Variants in NTM observed in about 807,000 individuals in gnomAD.
NTM encodes the protein IgLON family member 2.
NTM carries 13 observed loss-of-function variants against 42.1 expected under a neutral mutation model. The ratio of observed to expected loss-of-function variants is 0.31; its 90% confidence interval spans 0.20 to 0.49. NTM has a LOEUF of 0.49. NTM is among the 20% of genes least tolerant of loss of function. NTM has a pLI of 0.99. For missense variants in NTM, 373 were observed against 452.8 expected (o/e 0.82, Z 1.60); for synonymous variants, 187 against 179.2 (o/e 1.04, Z -0.35).
intron 2 of NTM, among the ~76,000 whole-genome samples, chr11:132,031,530 A>G (rs1420566950): frequency 2.0e-5 from 3 of 152,138 alleles, no homozygotes; most frequent in Admixed American, 6.5e-5. Context: ...GGGTGTTGGT[A>G]TGAGATAAAG....
rs61647362 is a variant in NTM at position 131,826,564 on chromosome 11, T to TAAAA, written c.83-84991_83-84988dup. On this transcript the variant is annotated intron_variant, in intron 1 of 8. Transcript: ENST00000683400. ...CGTCGAGGGATTGGTCGTAATATTC[T>TAAAA]AAAAAAAAAAAAGTCAGAAAAAGTA... Among the ~76,000 whole-genome samples, 117 of 143,550 alleles carry TAAAA rather than the reference T, an allele frequency of 8.2e-4. 1 individual carries two copies. Among genetic ancestry groups the TAAAA allele is most frequent in the Admixed American group, 1.7e-3 (24 of 14,378 alleles). 94.2% of individuals were successfully genotyped at this position (143,550 alleles called of 152,430 possible).
At chr11:131,615,827 A>G (rs1320026185) in intron 1 of NTM, among the ~76,000 whole-genome samples, 1 of 152,182 alleles carries the variant, frequency 6.6e-6, no homozygotes, top group African/African-American at 2.4e-5. Flanking sequence ...TGTGCATCCC[A>G]GGGAGCTTAC....
intron 4 of NTM, among the ~76,000 whole-genome samples, chr11:132,242,958 A>C (rs2090469290): frequency 6.6e-6 from 1 of 152,166 alleles, no homozygotes; most frequent in South Asian, 2.1e-4. Context: ...AAAACACATA[A>C]GGATGTTTCC....
Position 132,105,881 on chromosome 11 carries a change from G to A in NTM, c.168-40401G>A, listed in dbSNP as rs144631891. ...TCGAGAAAGAGGGGATGTTCTAGAT[G>A]GCACCTGTGCATGTGTGGGAGGGAG... is the stretch of plus-strand genomic sequence containing the variant. On this transcript the variant is annotated intron_variant, in intron 2 of 8. Transcript: ENST00000683400. Among the ~76,000 whole-genome samples, 298 of 152,272 alleles carry A rather than the reference G, an allele frequency of 2.0e-3. 2 individuals are homozygous for A. The highest frequency in any genetic ancestry group is 6.8e-3 in the African/African-American group (283 of 41,526).
intron 7 of NTM, among the ~76,000 whole-genome samples, chr11:132,320,737 A>C (rs1255341880): frequency 1.3e-5 from 2 of 151,954 alleles, no homozygotes; most frequent in Non-Finnish European, 1.5e-5. Context: ...ACAGACAAAC[A>C]AAAAGACAGC....
At chr11:132,253,740 C>T (rs1436405281) in intron 4 of NTM, among the ~76,000 whole-genome samples, 1 of 152,162 alleles carries the variant, frequency 6.6e-6, no homozygotes, top group East Asian at 1.9e-4. Flanking sequence ...GTGACTTTTT[C>T]CCCCTCCTCT....
At chr11:131,510,707 A>G (rs1356101721) in intron 1 of NTM, among the ~76,000 whole-genome samples, 1 of 152,226 alleles carries the variant, frequency 6.6e-6, no homozygotes, top group Non-Finnish European at 1.5e-5. Flanking sequence ...AACTGGATGA[A>G]CAAATGCTCA....
intron 3 of NTM, among the ~76,000 whole-genome samples, chr11:132,172,884 C>T (rs145463150): frequency 1.2e-3 from 185 of 152,288 alleles, no homozygotes; most frequent in Middle Eastern, 3.4e-3. Context: ...TTGCTGGCCA[C>T]AGAAAATTGC....
rs540084595 is a variant in NTM, at chr11:132,089,483, G to T, written c.168-56799G>T. On this transcript the variant is annotated intron_variant, in intron 2 of 8. Coordinates refer to ENST00000683400, the MANE Select transcript of NTM (RefSeq NM_001352005.2). The stretch of plus-strand genomic sequence containing the variant: ...ATATTAATGTTTTAAGTCAGAATTT[G>T]GTAAGCTGAACTAATTGAGAAGACT... Among the ~76,000 whole-genome samples the T allele has an allele frequency of 7.2e-5, 11 of 152,272 alleles. No homozygotes were observed. In the South Asian group the frequency reaches 1.9e-3, roughly 26 times the overall value.
intron 4 of NTM, among the ~76,000 whole-genome samples, chr11:132,291,817 T>A (rs2094458913): frequency 6.6e-6 from 1 of 152,226 alleles, no homozygotes; most frequent in Non-Finnish European, 1.5e-5. Flanking sequence ...TGCTAAGATG[T>A]GTGCCATGAA....
chr11:131,729,233 G>A (rs1295653623), intron 1 of NTM, among the ~76,000 whole-genome samples: 1 of 152,152 alleles, frequency 6.6e-6, no homozygotes, highest in Middle Eastern at 3.2e-3. Flanking sequence ...GGAATGACCT[G>A]AGTGTTCGAT....
chr11:132,291,663 G>A (rs888269758), intron 4 of NTM, among the ~76,000 whole-genome samples: 12 of 152,192 alleles, frequency 7.9e-5, no homozygotes, highest in African/African-American at 2.9e-4. Context: ...CTGAGGAGAA[G>A]CCAGGAAAGG....
chr11:131,575,744 T>C (rs1210703298), intron 1 of NTM, among the ~76,000 whole-genome samples: 1 of 152,118 alleles, frequency 6.6e-6, no homozygotes, highest in Non-Finnish European at 1.5e-5. Flanking sequence ...CCTTCCCCAA[T>C]TCAAAAAGAC....
rs557979197 is a variant in NTM, at chr11:131,393,976, C to G, written c.82+23088C>G. Among the ~76,000 whole-genome samples, 14 of 152,302 alleles carry G rather than the reference C, an allele frequency of 9.2e-5. No homozygotes were observed. The East Asian group carries it at 2.7e-3, about 29-fold the overall frequency. Reference sequence around the variant, plus strand: ...TAGATGTACAATTCCATTAATAAGGCCGCTTTTTAATAGGCGGCTCTGGCA... The same window carrying G: ...TAGATGTACAATTCCATTAATAAGGGCGCTTTTTAATAGGCGGCTCTGGCA... On this transcript the variant is annotated intron_variant, in intron 1 of 8. Coordinates refer to ENST00000683400, the MANE Select transcript of NTM (RefSeq NM_001352005.2).
intron 1 of NTM, among the ~76,000 whole-genome samples, chr11:131,568,161 T>C (rs950678979): frequency 1.3e-5 from 2 of 152,224 alleles, no homozygotes; most frequent in African/African-American, 4.8e-5. Flanking sequence ...TTATTAATTA[T>C]TCATAAATGA....
chr11:131,942,344 C>T (rs2059886092), intron 2 of NTM, among the ~76,000 whole-genome samples: 1 of 152,172 alleles, frequency 6.6e-6, no homozygotes, highest in Admixed American at 6.5e-5. Context: ...GGGACTTGGA[C>T]TCCCTTCTTC....
chr11:132,113,730 C>G (rs1257269017), intron 2 of NTM, among the ~76,000 whole-genome samples: 1 of 152,180 alleles, frequency 6.6e-6, no homozygotes, highest in Non-Finnish European at 1.5e-5. Flanking sequence ...ATATAGACCC[C>G]CAAAGTCACC....
intron 2 of NTM, among the ~76,000 whole-genome samples, chr11:132,062,494 G>A (rs1240328249): frequency 2.4e-5 from 2 of 82,558 alleles, no homozygotes; most frequent in African/African-American, 7.3e-5. Context: ...GGAAGAGATA[G>A]GCTTTTTTTT....
At chr11:132,251,037 A>G (rs1433130280) in intron 4 of NTM, among the ~76,000 whole-genome samples, 1 of 152,200 alleles carries the variant, frequency 6.6e-6, no homozygotes, top group African/African-American at 2.4e-5. Flanking sequence ...CTGCAAGATG[A>G]CCGAGGTCTA....
Sources: allele counts gnomAD v4.1 joint callset (sites outside exome capture counted in the v4.1 genomes callset), GRCh38; gene constraint gnomAD v4.1.1; transcripts MANE v1.5; gene names NCBI Gene and HGNC (gene_info 2026-07-23, HGNC 2026-07-21).